CHIC1: variants seen among roughly 807,000 people sequenced by gnomAD.
CHIC1 encodes the protein cysteine rich hydrophobic domain 1.
Under a neutral mutation model 18.5 loss-of-function variants are expected in CHIC1, and 7 were observed. The ratio of observed to expected loss-of-function variants is 0.38; its 90% CI spans 0.22 to 0.71. The LOEUF is 0.71. Among genes scored for constraint, CHIC1 ranks in the 30% least tolerant of loss-of-function variants. The probability of loss-of-function intolerance (pLI) is 0.49; values close to 1 mark genes in which losing one functional copy is unlikely to be tolerated. For synonymous variants in CHIC1, 77 were observed against 73.5 expected (o/e 1.05, Z -0.25); for missense variants, 159 against 176.9 (o/e 0.90, Z 0.57).
At chrX:73,677,991 GTT>G (rs371037548) in intron 3 of CHIC1, among the ~76,000 whole-genome samples, 24 of 80,385 alleles carry the variant, frequency 3.0e-4, no homozygotes, top group African/African-American at 9.9e-4. Context: ...TTTGGAGGTT[GTT>G]TTTTTTTTTT....
At chrX:73,679,485 A>C in intron 4 of CHIC1, 103 bp downstream of exon 4, 3 of 602,081 alleles carry the variant, frequency 5.0e-6, no homozygotes, top group Admixed American at 3.8e-5. Flanking sequence ...GGAATGGATT[A>C]GAGAATTAAT....
At chrX:73,658,248 GTTTTT>G (rs869309622) in intron 3 of CHIC1, among the ~76,000 whole-genome samples, 2 of 16,710 alleles carry the variant, frequency 1.2e-4, no homozygotes, top group African/African-American at 2.3e-4. Flanking sequence ...CTGGTCCTAG[GTTTTT>G]TTTTTTTTTT....
intron 3 of CHIC1, among the ~76,000 whole-genome samples, chrX:73,609,190 A>T (rs34635188): frequency 0.49 from 51,401 of 104,632 alleles, 11,905 homozygotes; most frequent in East Asian, 0.95. Context: ...GCTTTTTATT[A>T]ATTTTTTCTT....
chrX:73,566,416 A>G lies in CHIC1; in HGVS notation c.296+2836A>G, dbSNP rs756188392. On this transcript the variant is annotated intron_variant, in intron 1 of 5. Transcript: ENST00000373502. ...TTCAAGGAGACCCTCCATTTGTCCA[A>G]TGCTCACCTGTCCATTTGTGCCTTC... Among the ~76,000 whole-genome samples the G allele has an allele frequency of 3.6e-5, 4 of 110,018 alleles. No homozygotes were observed. The East Asian group carries it at 1.2e-3, about 32-fold the overall frequency.
Position 73,681,090 on chromosome X carries a change from G to A in CHIC1, c.*85G>A, listed in dbSNP as rs1254798885. 6 of 540,227 alleles carry A rather than the reference G, an allele frequency of 1.1e-5. No individual in the cohort carries two copies. The African/African-American group carries it at 1.5e-4, about 13-fold the overall frequency. 44.5% of individuals were successfully genotyped at this position (540,227 alleles called of 1,213,427 possible). ...ATTTGGAATGAAGATGGTCTCCTTT[G>A]CTGTGTTCAACTTATTCTTTATAAT... On this transcript the variant is annotated 3_prime_UTR_variant, in exon 6 of 6. Coordinates refer to ENST00000373502, the MANE Select transcript of CHIC1 (RefSeq NM_001039840.4).
At chrX:73,563,744 G>C (rs972104029) in intron 1 of CHIC1, among the ~76,000 whole-genome samples, 164 bp downstream of exon 1, 1 of 111,112 alleles carries the variant, frequency 9.0e-6, no homozygotes, top group African/African-American at 3.3e-5. Context: ...GGGTGGATAC[G>C]TGTGAAGGAA....
chrX:73,615,099 T>C (rs1300504459), intron 3 of CHIC1, among the ~76,000 whole-genome samples: 2 of 111,635 alleles, frequency 1.8e-5, no homozygotes, highest in African/African-American at 6.5e-5. Flanking sequence ...TAATTCTTGA[T>C]GTATAGTCTA....
At chrX:73,635,506 G>T (rs1293939224) in intron 3 of CHIC1, among the ~76,000 whole-genome samples, 1 of 111,175 alleles carries the variant, frequency 9.0e-6, no homozygotes. Flanking sequence ...CTTTCATTTG[G>T]GGGAGGTTTT....
chrX:73,634,954 A>T (rs1244923225), intron 3 of CHIC1, among the ~76,000 whole-genome samples: 1 of 110,822 alleles, frequency 9.0e-6, no homozygotes, highest in Non-Finnish European at 1.9e-5. Flanking sequence ...CACTTTCAGG[A>T]TTTTTGCTGT....
intron 2 of CHIC1, among the ~76,000 whole-genome samples, 187 bp downstream of exon 2, chrX:73,577,648 G>C (rs1302938114): frequency 9.1e-6 from 1 of 110,382 alleles, no homozygotes; most frequent in Non-Finnish European, 1.9e-5. Context: ...CAGTTATTTT[G>C]TTCATTGTCC....
chrX:73,567,809 T>C (rs2057452036), intron 1 of CHIC1, among the ~76,000 whole-genome samples: 1 of 109,799 alleles, frequency 9.1e-6, no homozygotes, highest in African/African-American at 3.3e-5. Flanking sequence ...CTGTTTTTTT[T>C]TTTAATCTCA....
chrX:73,655,210 A>G (rs2057935894), intron 3 of CHIC1, among the ~76,000 whole-genome samples: 1 of 108,538 alleles, frequency 9.2e-6, no homozygotes, highest in African/African-American at 3.4e-5. Flanking sequence ...AGCTCCATTC[A>G]TGTCACTTCA....
chrX:73,629,207 T>C (rs2057796858), intron 3 of CHIC1, among the ~76,000 whole-genome samples: 2 of 111,499 alleles, frequency 1.8e-5, no homozygotes, highest in African/African-American at 6.5e-5. Flanking sequence ...TTTTGGATGT[T>C]AACCTCATAT....
rs1178587493 is a variant in CHIC1 at position 73,602,691 on chromosome X, A to C, written c.507+18119A>C. ...TTAATCCATCTTGAGTTAGTTTTGT[A>C]CAAGGTGTAAGGAAGGGGTTCAGTT... On this transcript the variant is annotated intron_variant, in intron 3 of 5. Transcript: ENST00000373502. Among the ~76,000 whole-genome samples, 3 of 108,362 alleles carry C rather than the reference A, an allele frequency of 2.8e-5. 1 individual carries two copies. The Admixed American group carries it at 2.9e-4, about 11-fold the overall frequency. The allele number at this position is 108,362 out of a possible 115,157, so 94.1% of individuals were successfully genotyped here.
At chrX:73,595,026 C>G (rs1603341522) in intron 3 of CHIC1, among the ~76,000 whole-genome samples, 1 of 111,305 alleles carries the variant, frequency 9.0e-6, no homozygotes, top group South Asian at 3.8e-4. Context: ...GTTGTTTCCA[C>G]CTTTTGGCTA....
At chrX:73,653,565 T>G (rs1199878152) in intron 3 of CHIC1, among the ~76,000 whole-genome samples, 1 of 112,043 alleles carries the variant, frequency 8.9e-6, no homozygotes, top group Non-Finnish European at 1.9e-5. Flanking sequence ...TCCATTCACA[T>G]TTTATAATTA....
At chrX:73,591,394 C>T (rs1350967397) in intron 3 of CHIC1, among the ~76,000 whole-genome samples, 1 of 110,107 alleles carries the variant, frequency 9.1e-6, no homozygotes, top group Non-Finnish European at 1.9e-5. Flanking sequence ...GGAGCCTATG[C>T]ACACTTTTTC....
At chrX:73,585,557 CT>C (rs2057548813) in intron 3 of CHIC1, among the ~76,000 whole-genome samples, 2 of 111,164 alleles carry the variant, frequency 1.8e-5, no homozygotes, top group African/African-American at 6.5e-5. Context: ...GCATAAATTC[CT>C]TTTCTTAATT....
intron 3 of CHIC1, among the ~76,000 whole-genome samples, chrX:73,608,942 A>G (rs772915598): frequency 9.3e-6 from 1 of 107,309 alleles, no homozygotes; most frequent in South Asian, 3.9e-4. Flanking sequence ...ACCTGAGTTC[A>G]GGAGTTCAAG....
Sources: gnomAD v4.1 joint callset for allele counts (sites outside exome capture counted in the v4.1 genomes callset) on GRCh38, gnomAD v4.1.1 for gene constraint, MANE v1.5 for transcripts, NCBI Gene and HGNC (gene_info 2026-07-23, HGNC 2026-07-21) for gene names.